FBXO15: variants seen among roughly 807,000 people sequenced by gnomAD.
FBXO15 encodes F-box protein 15, also known as F-box only protein 15.
Under a neutral mutation model 49.5 loss-of-function variants are expected in FBXO15, and 30 were observed. The observed-to-expected ratio is 0.61, with a 90% CI of 0.45 to 0.82. The LOEUF (loss-of-function observed/expected upper bound fraction) is 0.82. FBXO15 is among the 40% of genes least tolerant of loss of function. The pLI is 0.00. For missense variants in FBXO15, 591 were observed against 631.5 expected, an observed-to-expected ratio of 0.94 and a Z score of 0.69; for synonymous variants, 250 against 232.7, an observed-to-expected ratio of 1.07 and a Z score of -0.68.
chr18:74,137,215 T>A (rs931074476), intron 2 of FBXO15, among the ~76,000 whole-genome samples: 4 of 152,134 alleles, frequency 2.6e-5, no homozygotes, highest in Non-Finnish European at 5.9e-5. Flanking sequence ...CCCCTCCCAT[T>A]CAGAGTCAAT....
intron 8 of FBXO15, among the ~76,000 whole-genome samples, chr18:74,119,113 C>T (rs1010697272): frequency 1.3e-5 from 2 of 152,284 alleles, no homozygotes; most frequent in African/African-American, 2.4e-5. Flanking sequence ...CCCTCGCTGT[C>T]GCCTTGCTTT....
At chr18:74,147,098 CT>C (rs1297010494) in intron 1 of FBXO15, 1 of 152,186 alleles carries the variant, frequency 6.6e-6, no homozygotes, top group Non-Finnish European at 1.5e-5. Context: ...GAAGATGCTT[CT>C]GGAAAGCAGA....
chr18:74,114,486 C>T (rs1914148263), intron 8 of FBXO15, among the ~76,000 whole-genome samples: 1 of 151,064 alleles, frequency 6.6e-6, no homozygotes, highest in South Asian at 2.1e-4. Context: ...AATTAGGGAG[C>T]CAATGTCATC....
intron 9 of FBXO15, among the ~76,000 whole-genome samples, chr18:74,081,698 A>G (rs1912501003): frequency 6.6e-6 from 1 of 152,164 alleles, no homozygotes; most frequent in South Asian, 2.1e-4. Flanking sequence ...CTCCAACTCC[A>G]CCATACTCAG....
chr18:74,138,066 C>T (rs1343586901), intron 2 of FBXO15, among the ~76,000 whole-genome samples: 1 of 152,098 alleles, frequency 6.6e-6, no homozygotes, highest in Non-Finnish European at 1.5e-5. Flanking sequence ...CCACACTGTT[C>T]ATAGGAGCCT....
chr18:74,121,659 G>T (rs533578628), intron 8 of FBXO15, among the ~76,000 whole-genome samples: 2 of 152,232 alleles, frequency 1.3e-5, no homozygotes, highest in South Asian at 4.1e-4. Context: ...CACAGAAGCA[G>T]CCCAAAGCAG....
chr18:74,144,469 G>C (rs1472553086), intron 1 of FBXO15, among the ~76,000 whole-genome samples: 1 of 152,242 alleles, frequency 6.6e-6, no homozygotes, highest in Non-Finnish European at 1.5e-5. Context: ...ATCACAGTTT[G>C]ACAGCACAAT....
At chr18:74,121,038 G>A (rs1296077020) in intron 8 of FBXO15, among the ~76,000 whole-genome samples, 2 of 152,026 alleles carry the variant, frequency 1.3e-5, no homozygotes, top group African/African-American at 4.8e-5. Context: ...CTATTACGAA[G>A]AACTTTATGC....
At chr18:74,147,549 C>T (rs970852583) in intron 1 of FBXO15, 121 bp downstream of exon 1, 3 of 1,287,862 alleles carry the variant, frequency 2.3e-6, no homozygotes, top group South Asian at 2.4e-5. Flanking sequence ...ACCCTTCTCA[C>T]GTTGAAGACG....
At chr18:74,087,049 T>C (rs1301643161) in intron 8 of FBXO15, among the ~76,000 whole-genome samples, 1 of 152,252 alleles carries the variant, frequency 6.6e-6, no homozygotes, top group African/African-American at 2.4e-5. Context: ...CTCTTTTAAA[T>C]GTGCAATAGC....
At chr18:74,108,635 T>C (rs1913878230) in intron 8 of FBXO15, among the ~76,000 whole-genome samples, 1 of 151,136 alleles carries the variant, frequency 6.6e-6, no homozygotes, top group African/African-American at 2.4e-5. Context: ...ACGGAAGAAA[T>C]ACTTGAAACA....
chr18:74,139,136 G>A (rs200354083), intron 2 of FBXO15, among the ~76,000 whole-genome samples: 8 of 152,094 alleles, frequency 5.3e-5, no homozygotes, highest in East Asian at 1.9e-4. Context: ...TCTTAAATGC[G>A]CCTCCTGAAG....
intron 8 of FBXO15, among the ~76,000 whole-genome samples, chr18:74,111,213 C>G (rs1914013703): frequency 6.6e-6 from 1 of 150,442 alleles, no homozygotes; most frequent in African/African-American, 2.4e-5. Flanking sequence ...CACCTATAAT[C>G]CCAGCACTTG....
At chr18:74,119,684 G>A (rs1213571325) in intron 8 of FBXO15, among the ~76,000 whole-genome samples, 1 of 152,172 alleles carries the variant, frequency 6.6e-6, no homozygotes, top group Non-Finnish European at 1.5e-5. Context: ...TGAGGCCACA[G>A]AAAGCCTGAT....
At chr18:74,128,859 C>A (rs562509858) in intron 5 of FBXO15, among the ~76,000 whole-genome samples, 1 of 152,190 alleles carries the variant, frequency 6.6e-6, no homozygotes, top group African/African-American at 2.4e-5. Flanking sequence ...ATAGTGATAT[C>A]TTTTGATCGA....
At chr18:74,114,522 A>C (rs537649327) in intron 8 of FBXO15, among the ~76,000 whole-genome samples, 63 of 152,364 alleles carry the variant, frequency 4.1e-4, no homozygotes, top group African/African-American at 1.5e-3. Flanking sequence ...AAGAATAGAA[A>C]ACAAAAGCTA....
At chr18:74,106,610 AGGT>A (rs1271506576) in intron 8 of FBXO15, among the ~76,000 whole-genome samples, 1 of 152,182 alleles carries the variant, frequency 6.6e-6, no homozygotes, top group Non-Finnish European at 1.5e-5. Context: ...CATAGTTAAG[AGGT>A]GGTACTGAAG....
intron 8 of FBXO15, among the ~76,000 whole-genome samples, chr18:74,088,469 C>T (rs1011916762): frequency 3.3e-5 from 5 of 152,174 alleles, no homozygotes; most frequent in Non-Finnish European, 7.4e-5. Context: ...GTCCTTTCCC[C>T]ATTGCATGTT....
intron 8 of FBXO15, among the ~76,000 whole-genome samples, chr18:74,091,602 A>G (rs567272653): frequency 3.1e-4 from 47 of 152,248 alleles, no homozygotes; most frequent in African/African-American, 1.1e-3. Context: ...ATCTCTTAGC[A>G]TTTGCTTGTC....
Sources: allele counts gnomAD v4.1 joint callset (sites outside exome capture counted in the v4.1 genomes callset), GRCh38; gene constraint gnomAD v4.1.1; transcripts MANE v1.5; gene names NCBI Gene and HGNC (gene_info 2026-07-23, HGNC 2026-07-21).